FAM135A: variants seen among roughly 807,000 people sequenced by gnomAD.
FAM135A encodes the protein protein FAM135A.
Under a neutral mutation model 146.8 loss-of-function variants are expected in FAM135A, and 79 were observed. The observed-to-expected ratio is 0.54, with a 90% CI of 0.45 to 0.65. The LOEUF (loss-of-function observed/expected upper bound fraction) is 0.65. Ranked by LOEUF, FAM135A falls within the 30% of genes least tolerant of loss-of-function variation. The pLI is 0.00. For missense variants in FAM135A, 1,623 were observed against 1,758.2 expected (o/e 0.92, Z 1.38); for synonymous variants, 562 against 603.6 (o/e 0.93, Z 1.01).
At chr6:70,427,818 A>C (rs1770549737) in intron 3 of FAM135A, among the ~76,000 whole-genome samples, 1 of 152,192 alleles carries the variant, frequency 6.6e-6, no homozygotes, top group Non-Finnish European at 1.5e-5. Context: ...TTCTCTTTAA[A>C]TTTAAAAGTG....
intron 20 of FAM135A, among the ~76,000 whole-genome samples, chr6:70,548,116 G>A (rs926705655): frequency 6.6e-6 from 1 of 152,152 alleles, no homozygotes; most frequent in Non-Finnish European, 1.5e-5. Context: ...ATTCCTACCA[G>A]CACTGCTCCT....
chr6:70,472,867 C>T (rs952918999), intron 5 of FAM135A, among the ~76,000 whole-genome samples: 3 of 152,162 alleles, frequency 2.0e-5, no homozygotes, highest in African/African-American at 4.8e-5. Flanking sequence ...GCTTGTTCTT[C>T]TTGTTACATC....
intron 4 of FAM135A, among the ~76,000 whole-genome samples, chr6:70,445,347 A>G (rs1260681365): frequency 7.2e-6 from 1 of 139,650 alleles, no homozygotes; most frequent in Non-Finnish European, 1.5e-5. Context: ...GAATATTTAG[A>G]TATGGTTTCT....
intron 4 of FAM135A, among the ~76,000 whole-genome samples, chr6:70,448,051 A>G (rs1178211295): frequency 2.0e-5 from 3 of 152,164 alleles, no homozygotes; most frequent in South Asian, 2.1e-4. Flanking sequence ...CTAACAGGGA[A>G]CTGCCAAGCC....
intron 17 of FAM135A, among the ~76,000 whole-genome samples, 156 bp from the exon 18 acceptor site, chr6:70,533,601 G>C (rs993708823): frequency 6.6e-6 from 1 of 151,882 alleles, no homozygotes; most frequent in African/African-American, 2.4e-5. Flanking sequence ...CTCTTTGCTC[G>C]TTTTAAGATA....
chr6:70,526,681 A>G lies in FAM135A; in HGVS notation c.3597A>G (p.Pro1199=), dbSNP rs778339162. 1.2e-5 allele frequency: 19 copies of G among 1,604,600 alleles called. No individual in the cohort carries two copies. The Admixed American group carries it at 1.7e-4, about 14-fold the overall frequency. The change falls in exon 15 of 22, where the codon CCA becomes CCG. Residue 1199 remains proline, a synonymous_variant. Coordinates refer to ENST00000418814, the MANE Select transcript of FAM135A (RefSeq NM_001162529.3). ...CGATTTCCTGGTATGAAAGTTCACC[A>G]AAACCTCAAATACAAGCGTAAGTAA... ...TSSISWYESS[P]KPQIQAFLQA...
At chr6:70,437,728 A>G (rs1189680107) in intron 4 of FAM135A, among the ~76,000 whole-genome samples, 1 of 152,144 alleles carries the variant, frequency 6.6e-6, no homozygotes, top group African/African-American at 2.4e-5. Flanking sequence ...GGAATTAGGG[A>G]AGTTGTAGAA....
intron 11 of FAM135A, among the ~76,000 whole-genome samples, chr6:70,494,122 A>G (rs1786689439): frequency 1.3e-5 from 2 of 151,570 alleles, no homozygotes; most frequent in South Asian, 4.2e-4. Flanking sequence ...TTCATACTGT[A>G]TTATATTCAG....
chr6:70,531,352 A>G (rs778871533), intron 16 of FAM135A, among the ~76,000 whole-genome samples: 73 of 152,182 alleles, frequency 4.8e-4, no homozygotes, highest in African/African-American at 7.2e-4. Context: ...TTTGTCTTCA[A>G]GATGATACTG....
chr6:70,442,002 A>T (rs1774615497), intron 4 of FAM135A, among the ~76,000 whole-genome samples: 2 of 152,160 alleles, frequency 1.3e-5, no homozygotes, highest in African/African-American at 4.8e-5. Flanking sequence ...TTTTTATAAG[A>T]AAAATGCATC....
At chr6:70,495,363 T>C (rs748304467) in intron 11 of FAM135A, among the ~76,000 whole-genome samples, 4 of 152,352 alleles carry the variant, frequency 2.6e-5, no homozygotes, top group South Asian at 4.1e-4. Flanking sequence ...TAACTATTTA[T>C]TGAATTACTA....
chr6:70,509,269 A>G (rs980897642), intron 12 of FAM135A, among the ~76,000 whole-genome samples: 1 of 152,112 alleles, frequency 6.6e-6, no homozygotes, highest in African/African-American at 2.4e-5. Flanking sequence ...TCTTGTCTCT[A>G]TTAAAAAAAA....
At chr6:70,538,659 A>T (rs1797216874) in intron 20 of FAM135A, among the ~76,000 whole-genome samples, 1 of 151,844 alleles carries the variant, frequency 6.6e-6, no homozygotes, top group South Asian at 2.1e-4. Context: ...GAATTTCAAC[A>T]TTTGTAACTC....
chr6:70,431,263 C>T (rs1295116000), intron 4 of FAM135A, among the ~76,000 whole-genome samples: 1 of 152,088 alleles, frequency 6.6e-6, no homozygotes, highest in Non-Finnish European at 1.5e-5. Context: ...TATTTTTGCT[C>T]CTAAGTCTGT....
chr6:70,504,603 A>G (rs1789304685), intron 12 of FAM135A: 3 of 152,302 alleles, frequency 2.0e-5, no homozygotes, highest in Admixed American at 6.5e-5. Flanking sequence ...AATAAAATTC[A>G]GTTCCAAGTG....
chr6:70,466,647 A>G (rs1050295927), intron 5 of FAM135A, among the ~76,000 whole-genome samples: 2 of 152,190 alleles, frequency 1.3e-5, no homozygotes, highest in African/African-American at 4.8e-5. Flanking sequence ...AAAATATTGG[A>G]TATCTAACAT....
At chr6:70,490,949 A>C in intron 10 of FAM135A, 85 bp from the exon 11 acceptor site, 1 of 957,182 alleles carries the variant, frequency 1.0e-6, no homozygotes, top group Admixed American at 3.1e-5. Flanking sequence ...GATCATTCTT[A>C]ATTTTCAGTT....
At chr6:70,559,577 C>A in intron 21 of FAM135A, 139 bp from the exon 22 acceptor site, 1 of 620,258 alleles carries the variant, frequency 1.6e-6, no homozygotes. Context: ...AAAATTAAAC[C>A]TTTTTAAAAA....
intron 5 of FAM135A, among the ~76,000 whole-genome samples, chr6:70,472,968 G>T (rs193273778): frequency 6.6e-6 from 1 of 152,128 alleles, no homozygotes; most frequent in Admixed American, 6.5e-5. Context: ...CAGCTTCTCC[G>T]CTGTAACATT....
Sources: allele counts gnomAD v4.1 joint callset (sites outside exome capture counted in the v4.1 genomes callset), GRCh38; gene constraint gnomAD v4.1.1; transcripts MANE v1.5; gene names NCBI Gene and HGNC (gene_info 2026-07-23, HGNC 2026-07-21).